The following GRID2 variants were observed in gnomAD, a reference collection of about 807,000 sequenced individuals.
The protein encoded by GRID2 is glutamate receptor ionotropic, delta-2.
In GRID2, 33 loss-of-function variants were observed where a neutral mutation model predicts 114.8. That is an observed-to-expected ratio of 0.29 (90% CI 0.22 to 0.38). The LOEUF (loss-of-function observed/expected upper bound fraction) is 0.38. Among genes scored for constraint, GRID2 ranks in the 10% least tolerant of loss-of-function variants. GRID2 has a pLI of 1.00. For synonymous variants in GRID2, 505 were observed against 449.9 expected, an observed-to-expected ratio of 1.12 and a Z score of -1.55; for missense variants, 1,184 against 1,257.7, an observed-to-expected ratio of 0.94 and a Z score of 0.89.
chr4:93,593,265 T>C (rs377629515), intron 13 of GRID2, among the ~76,000 whole-genome samples: 10 of 146,424 alleles, frequency 6.8e-5, no homozygotes, highest in South Asian at 6.8e-4. Flanking sequence ...GACAAAATCT[T>C]TCAGCATTTG....
chr4:93,698,531 G>A (rs1727240821), intron 14 of GRID2, among the ~76,000 whole-genome samples: 1 of 151,950 alleles, frequency 6.6e-6, no homozygotes, highest in Non-Finnish European at 1.5e-5. Context: ...TTGAACTGAG[G>A]TTTCATTAAG....
At chr4:92,794,259 C>T (rs1012655118) in intron 2 of GRID2, among the ~76,000 whole-genome samples, 5 of 151,852 alleles carry the variant, frequency 3.3e-5, no homozygotes, top group African/African-American at 1.2e-4. Flanking sequence ...TGAGCCACCA[C>T]AAAAACTTTA....
At chr4:93,200,469 G>A (rs576594391) in intron 4 of GRID2, among the ~76,000 whole-genome samples, 2 of 152,204 alleles carry the variant, frequency 1.3e-5, no homozygotes, top group South Asian at 4.1e-4. Context: ...GGGAGGCTGA[G>A]GCAGGAGAAT....
chr4:93,582,115 T>C (rs1402169331), intron 13 of GRID2, among the ~76,000 whole-genome samples: 1 of 152,214 alleles, frequency 6.6e-6, no homozygotes, highest in Non-Finnish European at 1.5e-5. Flanking sequence ...TGGATCTTAC[T>C]GGCTAAAATT....
At chr4:92,815,328 A>G (rs1740842926) in intron 2 of GRID2, among the ~76,000 whole-genome samples, 1 of 152,152 alleles carries the variant, frequency 6.6e-6, no homozygotes, top group South Asian at 2.1e-4. Flanking sequence ...GTGTATATAA[A>G]GTCAATATTT....
intron 14 of GRID2, among the ~76,000 whole-genome samples, chr4:93,638,237 A>T (rs535768661): frequency 1.3e-5 from 2 of 151,816 alleles, no homozygotes; most frequent in East Asian, 3.9e-4. Flanking sequence ...AATGAAAATG[A>T]TCAAAATCAA....
intron 2 of GRID2, among the ~76,000 whole-genome samples, chr4:93,081,390 A>T (rs2149318018): frequency 6.6e-6 from 1 of 152,340 alleles, no homozygotes; most frequent in Non-Finnish European, 1.5e-5. Flanking sequence ...TTAGCTTAAG[A>T]AATGAAAATG....
chr4:92,786,184 G>C (rs144430076), intron 2 of GRID2, among the ~76,000 whole-genome samples: 1 of 151,786 alleles, frequency 6.6e-6, no homozygotes, highest in Non-Finnish European at 1.5e-5. Flanking sequence ...CTAAGTATCT[G>C]TTGGCTTCCT....
chr4:92,961,154 A>G (rs1328169533), intron 2 of GRID2, among the ~76,000 whole-genome samples: 2 of 151,890 alleles, frequency 1.3e-5, no homozygotes, highest in African/African-American at 2.4e-5. Context: ...ATACACATAT[A>G]TATGCATTTT....
At chr4:92,946,491 TC>T (rs111410422) in intron 2 of GRID2, among the ~76,000 whole-genome samples, 1 of 151,886 alleles carries the variant, frequency 6.6e-6, no homozygotes, top group Non-Finnish European at 1.5e-5. Flanking sequence ...TACCTTTTCT[TC>T]CCCCCCAAAA....
At chr4:92,685,794 C>A (rs564758679) in intron 2 of GRID2, among the ~76,000 whole-genome samples, 1 of 152,136 alleles carries the variant, frequency 6.6e-6, no homozygotes, top group East Asian at 1.9e-4. Flanking sequence ...GTTCTATCAT[C>A]CTGATTTAGG....
At chr4:93,432,897 TA>T (rs548593866) in intron 10 of GRID2, among the ~76,000 whole-genome samples, 7 of 152,006 alleles carry the variant, frequency 4.6e-5, no homozygotes, top group Non-Finnish European at 7.4e-5. Flanking sequence ...CCTCCACCTC[TA>T]AAAAAATAAA....
chr4:93,257,987 TATATATATATATACACAC>T (rs1561053312), intron 8 of GRID2, among the ~76,000 whole-genome samples: 1 of 127,902 alleles, frequency 7.8e-6, no homozygotes, highest in African/African-American at 3.8e-5. Flanking sequence ...TGTATATATA[TATATATATATATACACAC>T]ACACACACAC....
chr4:93,039,976 G>A (rs1321808665), intron 2 of GRID2, among the ~76,000 whole-genome samples: 1 of 152,060 alleles, frequency 6.6e-6, no homozygotes, highest in Non-Finnish European at 1.5e-5. Context: ...TCTTTCTCTG[G>A]ATTGTTTCTT....
chr4:92,430,033 AT>A (rs1732363963), intron 1 of GRID2, among the ~76,000 whole-genome samples: 1 of 151,870 alleles, frequency 6.6e-6, no homozygotes, highest in Non-Finnish European at 1.5e-5. Context: ...GTTTGCAAAT[AT>A]TTTCTCCCAT....
At chr4:92,964,011 G>A (rs888898548) in intron 2 of GRID2, among the ~76,000 whole-genome samples, 1 of 151,962 alleles carries the variant, frequency 6.6e-6, no homozygotes, top group African/African-American at 2.4e-5. Context: ...TGTTTTCTGA[G>A]CACCAGTTCG....
chr4:92,663,562 G>A (rs1732622796), intron 2 of GRID2, among the ~76,000 whole-genome samples: 1 of 151,082 alleles, frequency 6.6e-6, no homozygotes, highest in Non-Finnish European at 1.5e-5. Context: ...TTTTTTGGAA[G>A]CATCAATTTC....
intron 2 of GRID2, among the ~76,000 whole-genome samples, chr4:93,009,299 T>C (rs550238125): frequency 1.3e-5 from 2 of 152,224 alleles, no homozygotes; most frequent in Non-Finnish European, 1.5e-5. Flanking sequence ...ACTACACTGC[T>C]ATCACTCTGA....
intron 8 of GRID2, among the ~76,000 whole-genome samples, chr4:93,246,356 A>T (rs11931260): frequency 6.6e-6 from 1 of 151,856 alleles, no homozygotes; most frequent in Admixed American, 6.6e-5. Flanking sequence ...GGGAGGCCGA[A>T]GCAGGTGGAT....
Sources: allele counts gnomAD v4.1 joint callset (sites outside exome capture counted in the v4.1 genomes callset), GRCh38; gene constraint gnomAD v4.1.1; transcripts MANE v1.5; gene names NCBI Gene and HGNC (gene_info 2026-07-23, HGNC 2026-07-21).